Variants in RIMS1 observed in about 807,000 individuals in gnomAD.
The protein encoded by RIMS1 is regulating synaptic membrane exocytosis protein 1.
A neutral mutation model predicts 214.1 loss-of-function variants in RIMS1; 83 were observed. That is an observed-to-expected ratio of 0.39 (90% CI 0.32 to 0.47). The LOEUF (loss-of-function observed/expected upper bound fraction) is 0.47, where lower values mean the gene tolerates loss of function less well. Ranked by LOEUF, RIMS1 falls within the 20% of genes least tolerant of loss-of-function variation. The probability of loss-of-function intolerance (pLI) is 0.99; values close to 1 mark genes in which losing one functional copy is unlikely to be tolerated. For missense variants in RIMS1, 2,050 were observed against 2,161.8 expected (o/e 0.95, Z 1.03); for synonymous variants, 793 against 786.8 (o/e 1.01, Z -0.13).
chr6:71,899,918 G>C (rs1383183732), intron 1 of RIMS1, among the ~76,000 whole-genome samples: 1 of 152,112 alleles, frequency 6.6e-6, no homozygotes, highest in East Asian at 1.9e-4. Flanking sequence ...AGCAAAAATA[G>C]ATTGGGCACT....
At chr6:72,290,235 C>G (rs1458701329) in intron 24 of RIMS1, among the ~76,000 whole-genome samples, 1 of 152,114 alleles carries the variant, frequency 6.6e-6, no homozygotes, top group African/African-American at 2.4e-5. Context: ...ATATAGAGGC[C>G]TACAGTATTT....
intron 2 of RIMS1, among the ~76,000 whole-genome samples, chr6:72,056,159 G>A (rs576362725): frequency 2.0e-4 from 31 of 152,094 alleles, no homozygotes; most frequent in African/African-American, 7.0e-4. Flanking sequence ...ACTGACACAC[G>A]AACAGAAAAC....
At chr6:71,929,147 T>G (rs1377574541) in intron 1 of RIMS1, among the ~76,000 whole-genome samples, 1 of 152,162 alleles carries the variant, frequency 6.6e-6, no homozygotes, top group Admixed American at 6.5e-5. Flanking sequence ...CATCATTATT[T>G]AATTCATGTT....
chr6:71,925,103 A>C (rs1781218738), intron 1 of RIMS1, among the ~76,000 whole-genome samples: 1 of 152,168 alleles, frequency 6.6e-6, no homozygotes, highest in Non-Finnish European at 1.5e-5. Context: ...TTTTCCTTTC[A>C]ATGATAATGG....
chr6:72,123,191 C>G (rs1477297207), intron 4 of RIMS1, among the ~76,000 whole-genome samples: 1 of 151,790 alleles, frequency 6.6e-6, no homozygotes, highest in Non-Finnish European at 1.5e-5. Context: ...TCGTTGGTTT[C>G]AAAGAACATC....
intron 22 of RIMS1, among the ~76,000 whole-genome samples, chr6:72,271,280 AAAAAAAATATATAT>A (rs1262575990): frequency 0.031 from 1,902 of 60,414 alleles, 63 homozygotes; most frequent in South Asian, 0.084. Context: ...AAAAAAAAAA[AAAAAAAATATATAT>A]ATATATATAT....
At chr6:72,242,218 G>A in intron 9 of RIMS1, 96 bp from the exon 10 acceptor site, 1 of 950,552 alleles carries the variant, frequency 1.1e-6, no homozygotes, top group Non-Finnish European at 1.6e-6. Context: ...TAAACTATTT[G>A]TATATGTTTT....
At chr6:72,209,900 C>CAAAAAAAAA (rs200401100) in intron 6 of RIMS1, among the ~76,000 whole-genome samples, 1 of 115,826 alleles carries the variant, frequency 8.6e-6, no homozygotes, top group Non-Finnish European at 2.0e-5. Flanking sequence ...GACTCTGTCT[C>CAAAAAAAAA]AAAAAAAAAA....
intron 2 of RIMS1, among the ~76,000 whole-genome samples, chr6:72,044,795 G>A (rs577624193): frequency 6.6e-6 from 1 of 151,952 alleles, no homozygotes; most frequent in African/African-American, 2.4e-5. Context: ...AAAGCAGTTT[G>A]GCAATTCCTT....
At chr6:72,143,800 C>T (rs150461784) in intron 4 of RIMS1, among the ~76,000 whole-genome samples, 119 of 152,274 alleles carry the variant, frequency 7.8e-4, no homozygotes, top group African/African-American at 2.4e-3. Context: ...CGTATTTTTA[C>T]GTCTTTTCTG....
intron 9 of RIMS1, among the ~76,000 whole-genome samples, chr6:72,240,630 C>CTTTTTTTTT: frequency 2.4e-5 from 2 of 82,460 alleles, no homozygotes; most frequent in Non-Finnish European, 4.5e-5. Context: ...TTTCTTTTTT[C>CTTTTTTTTT]TTTTTTTTTT....
intron 2 of RIMS1, among the ~76,000 whole-genome samples, chr6:72,087,019 T>G (rs1363398564): frequency 6.6e-6 from 1 of 152,172 alleles, no homozygotes; most frequent in African/African-American, 2.4e-5. Flanking sequence ...AGGAGGTTGT[T>G]TGTTCGTTTG....
At chr6:72,301,100 T>A (rs2094560031) in intron 26 of RIMS1, among the ~76,000 whole-genome samples, 1 of 151,722 alleles carries the variant, frequency 6.6e-6, no homozygotes, top group Non-Finnish European at 1.5e-5. Context: ...GATGGGTAAA[T>A]GTTTATTTTA....
At chr6:71,987,364 A>C (rs1800323480) in intron 2 of RIMS1, among the ~76,000 whole-genome samples, 1 of 152,202 alleles carries the variant, frequency 6.6e-6, no homozygotes, top group South Asian at 2.1e-4. Flanking sequence ...CTTGGTTTAC[A>C]GACAGCTATT....
intron 6 of RIMS1, chr6:72,217,019 T>C (rs987656473): frequency 1.4e-4 from 199 of 1,429,418 alleles, no homozygotes; most frequent in Non-Finnish European, 1.7e-4. Flanking sequence ...TGTTGGACAC[T>C]GCAGGCTTTT....
intron 4 of RIMS1, among the ~76,000 whole-genome samples, chr6:72,157,115 T>C (rs1231957165): frequency 7.1e-6 from 1 of 140,908 alleles, no homozygotes; most frequent in Non-Finnish European, 1.6e-5. Flanking sequence ...TTCAAGATTG[T>C]TTTTGTTCTT....
intron 4 of RIMS1, among the ~76,000 whole-genome samples, chr6:72,105,348 A>G (rs1339363644): frequency 6.6e-6 from 1 of 152,038 alleles, no homozygotes; most frequent in African/African-American, 2.4e-5. Context: ...CAATAAATGC[A>G]TTTTACATGG....
At chr6:72,357,824 G>A (rs966708225) in intron 29 of RIMS1, among the ~76,000 whole-genome samples, 8 of 152,066 alleles carry the variant, frequency 5.3e-5, no homozygotes, top group African/African-American at 1.9e-4. Context: ...TCTGAAATTT[G>A]CATTATTGGT....
chr6:72,322,252 T>C lies in RIMS1; in HGVS notation c.4130+8580T>C, dbSNP rs148657866. 4.3e-3 allele frequency among the ~76,000 whole-genome samples: 656 copies of C among 152,244 alleles called. 2 individuals are homozygous for C. The highest frequency in any genetic ancestry group is 0.015 in the African/African-American group (630 of 41,552). The stretch of plus-strand genomic sequence containing the variant: ...CCTTGAAACAGTATTTTATACCTCA[T>C]AGTAGCAGACTACATGGACTCAGAA... On this transcript the variant is annotated intron_variant, in intron 28 of 33. Transcript: ENST00000521978.
Sources: allele counts gnomAD v4.1 joint callset (sites outside exome capture counted in the v4.1 genomes callset), GRCh38; gene constraint gnomAD v4.1.1; transcripts MANE v1.5; gene names NCBI Gene and HGNC (gene_info 2026-07-23, HGNC 2026-07-21).